The following CNBD1 variants were observed in gnomAD, a reference collection of about 807,000 sequenced individuals.
CNBD1 encodes cyclic nucleotide-binding domain-containing protein 1.
In CNBD1, 71 loss-of-function variants were observed where a neutral mutation model predicts 54.4. That is an observed-to-expected ratio of 1.30 (90% CI 1.08 to 1.59). The LOEUF (loss-of-function observed/expected upper bound fraction) is 1.59, where lower values mean the gene tolerates loss of function less well. Ranked by LOEUF, CNBD1 falls within the 40% of genes most tolerant of loss-of-function variation. CNBD1 has a pLI of 0.00. For missense variants in CNBD1, 659 were observed against 518.0 expected (o/e 1.27, Z -2.64); for synonymous variants, 182 against 170.7 (o/e 1.07, Z -0.51).
At chr8:86,991,283 T>C (rs2130528013) in intron 4 of CNBD1, among the ~76,000 whole-genome samples, 1 of 152,258 alleles carries the variant, frequency 6.6e-6, no homozygotes, top group East Asian at 1.9e-4. Context: ...ATTTCAGTTT[T>C]TCCTCATTTA....
intron 4 of CNBD1, among the ~76,000 whole-genome samples, chr8:86,984,748 C>T (rs1227810248): frequency 6.6e-6 from 1 of 152,156 alleles, no homozygotes; most frequent in African/African-American, 2.4e-5. Context: ...GGTATATTTA[C>T]CCAAGGCCCA....
At chr8:87,396,638 C>T (rs1389369160) in intron 2 of CNBD1, among the ~76,000 whole-genome samples, 1 of 151,750 alleles carries the variant, frequency 6.6e-6, no homozygotes, top group Non-Finnish European at 1.5e-5. Context: ...TCCAGTTCTA[C>T]TATAACCTAT....
intron 6 of CNBD1, among the ~76,000 whole-genome samples, chr8:87,273,097 T>G (rs968504395): frequency 2.6e-5 from 4 of 151,896 alleles, no homozygotes; most frequent in Middle Eastern, 3.2e-3. Flanking sequence ...AATAGGAAAA[T>G]TTTAAAATTT....
At chr8:87,307,403 G>A (rs1480976022) in intron 8 of CNBD1, among the ~76,000 whole-genome samples, 1 of 152,160 alleles carries the variant, frequency 6.6e-6, no homozygotes, top group African/African-American at 2.4e-5. Flanking sequence ...TTGTAAAATG[G>A]AATCTGGTTA....
intron 8 of CNBD1, among the ~76,000 whole-genome samples, chr8:87,341,768 C>A (rs1033414422): frequency 6.6e-6 from 1 of 152,208 alleles, no homozygotes; most frequent in Admixed American, 6.5e-5. Flanking sequence ...AAGTAGAGAG[C>A]AAAACCTTAC....
At chr8:86,953,274 C>A (rs1368442855) in intron 4 of CNBD1, among the ~76,000 whole-genome samples, 2 of 152,096 alleles carry the variant, frequency 1.3e-5, no homozygotes, top group Admixed American at 6.6e-5. Flanking sequence ...AAAACTTAAT[C>A]ATATGTTAAA....
downstream of CNBD1, among the ~76,000 whole-genome samples, chr8:87,386,789 C>G (rs1236523377): frequency 1.3e-5 from 2 of 152,066 alleles, no homozygotes; most frequent in Non-Finnish European, 2.9e-5. Flanking sequence ...AAGAGCAACT[C>G]CAAGACACAT....
At chr8:87,274,484 C>A (rs1299556762) in intron 6 of CNBD1, among the ~76,000 whole-genome samples, 1 of 148,604 alleles carries the variant, frequency 6.7e-6, no homozygotes, top group Non-Finnish European at 1.5e-5. Context: ...GAGATGATAT[C>A]TCATTGTGGT....
chr8:87,346,817 C>T (rs1810184723), intron 8 of CNBD1, among the ~76,000 whole-genome samples: 1 of 152,128 alleles, frequency 6.6e-6, no homozygotes. Context: ...TCCAAGCATT[C>T]AGAGTCACTA....
At chr8:87,078,558 T>C (rs1810921816) in intron 4 of CNBD1, among the ~76,000 whole-genome samples, 1 of 152,212 alleles carries the variant, frequency 6.6e-6, no homozygotes, top group Admixed American at 6.5e-5. Flanking sequence ...TTGCATTTGA[T>C]CCATTACTTC....
chr8:87,059,326 A>C (rs1461591720), intron 4 of CNBD1, among the ~76,000 whole-genome samples: 2 of 152,126 alleles, frequency 1.3e-5, no homozygotes, highest in African/African-American at 4.8e-5. Context: ...CCTCTAAACT[A>C]TTTCAACCTC....
At chr8:87,373,179 A>G (rs549996437) in intron 10 of CNBD1, among the ~76,000 whole-genome samples, 1 of 151,784 alleles carries the variant, frequency 6.6e-6, no homozygotes, top group Non-Finnish European at 1.5e-5. Context: ...CTCTCAAGAA[A>G]AAAAGCAAAT....
At chr8:87,378,220 T>A (rs975032902) in intron 10 of CNBD1, among the ~76,000 whole-genome samples, 4 of 142,452 alleles carry the variant, frequency 2.8e-5, no homozygotes, top group African/African-American at 8.1e-5. Flanking sequence ...AGACATGAAG[T>A]CCTTGCCCAT....
chr8:87,067,018 C>T (rs898656183), intron 4 of CNBD1, among the ~76,000 whole-genome samples: 4 of 151,812 alleles, frequency 2.6e-5, no homozygotes, highest in African/African-American at 9.7e-5. Context: ...TTCATTAATA[C>T]AGATTAGGAA....
intron 6 of CNBD1, among the ~76,000 whole-genome samples, chr8:87,256,013 A>T (rs59366581): frequency 0.057 from 1,028 of 17,970 alleles, 77 homozygotes; most frequent in African/African-American, 0.078. Flanking sequence ...ATATATATAT[A>T]TATTTTTTTT....
At chr8:87,337,934 T>C (rs1409030824) in intron 8 of CNBD1, among the ~76,000 whole-genome samples, 1 of 152,176 alleles carries the variant, frequency 6.6e-6, no homozygotes, top group Non-Finnish European at 1.5e-5. Flanking sequence ...CCACCAATAT[T>C]TGTTAGTTTT....
chr8:87,400,172 C>T (rs185216506), intron 2 of CNBD1, among the ~76,000 whole-genome samples: 1 of 151,930 alleles, frequency 6.6e-6, no homozygotes, highest in Non-Finnish European at 1.5e-5. Flanking sequence ...ACCAATTATC[C>T]ATCTGCTAAA....
chr8:87,343,665 G>A (rs188002852), intron 8 of CNBD1, among the ~76,000 whole-genome samples: 20 of 152,272 alleles, frequency 1.3e-4, no homozygotes, highest in African/African-American at 4.3e-4. Context: ...TATAAAGTTA[G>A]TGGAACACTT....
At chr8:87,087,248 TATATATATATATAC>T (rs1421061946) in intron 4 of CNBD1, among the ~76,000 whole-genome samples, 2 of 135,100 alleles carry the variant, frequency 1.5e-5, no homozygotes, top group African/African-American at 2.9e-5. Context: ...TATATATACG[TATATATATATATAC>T]ATATATATAT....
Sources: allele counts gnomAD v4.1 joint callset (sites outside exome capture counted in the v4.1 genomes callset), GRCh38; gene constraint gnomAD v4.1.1; transcripts MANE v1.5; gene names NCBI Gene and HGNC (gene_info 2026-07-23, HGNC 2026-07-21).